Variants in GPHN observed in about 807,000 individuals in gnomAD.
GPHN encodes gephyrin.
In GPHN, 17 loss-of-function variants were observed where a neutral mutation model predicts 95.5. That is an observed-to-expected ratio of 0.18 (90% CI 0.12 to 0.27). The LOEUF is 0.27. GPHN is among the 10% of genes least tolerant of loss of function. The pLI, the probability that GPHN is intolerant of heterozygous loss-of-function variation, is 1.00. For synonymous variants in GPHN, 320 were observed against 322.5 expected (o/e 0.99, Z 0.08); for missense variants, 660 against 978.1 (o/e 0.67, Z 4.34).
intron 10 of GPHN, among the ~76,000 whole-genome samples, chr14:67,024,026 A>G (rs113945198): frequency 0.019 from 2,834 of 152,246 alleles, 39 homozygotes; most frequent in African/African-American, 0.026. Context: ...CTGAACAGAG[A>G]CTAATTCTGA....
At chr14:66,794,271 T>C (rs1195753716) in intron 3 of GPHN, among the ~76,000 whole-genome samples, 1 of 152,094 alleles carries the variant, frequency 6.6e-6, no homozygotes, top group East Asian at 1.9e-4. Flanking sequence ...AGAGATCTGG[T>C]CGTCTGAAAG....
At chr14:67,276,308 T>C in the GPHN span, among the ~76,000 whole-genome samples, 1 of 152,210 alleles carries the variant, frequency 6.6e-6, no homozygotes, top group Non-Finnish European at 1.5e-5. Context: ...TTGTATTCTA[T>C]TCTGTTTTCT....
the GPHN span, chr14:67,445,931 C>T: frequency 4.4e-6 from 2 of 452,498 alleles, no homozygotes; most frequent in Admixed American, 2.4e-5. Flanking sequence ...TCACAGTTTG[C>T]TTGTGGCTAA....
chr14:67,027,102 T>C (rs1238989463), intron 10 of GPHN, among the ~76,000 whole-genome samples: 3 of 152,230 alleles, frequency 2.0e-5, no homozygotes, highest in African/African-American at 7.2e-5. Context: ...TATCTGATTA[T>C]CAGTGCCAAA....
intron 12 of GPHN, 59 bp downstream of exon 12, chr14:67,089,134 T>TTTTTTTTTTTTTTTTTTTTTTTTTG: frequency 6.7e-6 from 1 of 149,818 alleles, no homozygotes; most frequent in Non-Finnish European, 1.0e-5. Flanking sequence ...TCTTTTTTTC[T>TTTTTTTTTTTTTTTTTTTTTTTTTG]TTTTTTTTTT....
chr14:67,552,224 C>T, the GPHN span, among the ~76,000 whole-genome samples: 3 of 152,194 alleles, frequency 2.0e-5, no homozygotes, highest in African/African-American at 7.2e-5. Flanking sequence ...CCCAGACCCA[C>T]ACACTGAAAG....
intron 1 of GPHN, among the ~76,000 whole-genome samples, chr14:66,627,710 T>G (rs72726419): frequency 0.058 from 8,812 of 152,206 alleles, 353 homozygotes; most frequent in Middle Eastern, 0.099. Flanking sequence ...ATTGTTAGAC[T>G]TAAAGTACTG....
the GPHN span, among the ~76,000 whole-genome samples, chr14:67,289,768 CCTT>C: frequency 4.4e-4 from 42 of 95,476 alleles, 9 homozygotes; most frequent in South Asian, 2.8e-3. Context: ...TTTTCCATGT[CCTT>C]TTTTTTTTTT....
chr14:66,929,964 G>T (rs979374221), intron 8 of GPHN, among the ~76,000 whole-genome samples: 8 of 152,114 alleles, frequency 5.3e-5, no homozygotes, highest in African/African-American at 1.9e-4. Context: ...GCCCGCCTCG[G>T]CCTCCCAAAG....
At chr14:67,315,274 T>G in the GPHN span, among the ~76,000 whole-genome samples, 2 of 139,850 alleles carry the variant, frequency 1.4e-5, no homozygotes, top group African/African-American at 5.4e-5. Flanking sequence ...TTTAATTTTT[T>G]TTTTTTTTTT....
intron 18 of GPHN, among the ~76,000 whole-genome samples, chr14:67,146,020 G>A (rs2080876393): frequency 6.6e-6 from 1 of 152,142 alleles, no homozygotes. Flanking sequence ...GGTCTGCACT[G>A]GATACATCTA....
intron 14 of GPHN, among the ~76,000 whole-genome samples, chr14:67,111,168 G>A (rs1165064821): frequency 6.6e-6 from 1 of 152,138 alleles, no homozygotes; most frequent in African/African-American, 2.4e-5. Context: ...CTTTCCATAT[G>A]TAAGGCTTAT....
At chr14:67,255,252 T>A in the GPHN span, among the ~76,000 whole-genome samples, 1 of 152,070 alleles carries the variant, frequency 6.6e-6, no homozygotes, top group African/African-American at 2.4e-5. Flanking sequence ...ATGAAGAAAA[T>A]CTGCATGGAG....
At chr14:67,661,809 C>T in the GPHN span, among the ~76,000 whole-genome samples, 1 of 152,122 alleles carries the variant, frequency 6.6e-6, no homozygotes, top group African/African-American at 2.4e-5. Flanking sequence ...GTTGGGATTG[C>T]AAGCGTGAGC....
the GPHN span, among the ~76,000 whole-genome samples, chr14:67,342,181 AAAATAAATAAAT>A: frequency 0.029 from 2,863 of 99,584 alleles, 38 homozygotes; most frequent in Admixed American, 0.048. Context: ...AATGATCAAT[AAAATAAATAAAT>A]AAATAAATAA....
At chr14:67,359,838 A>G in the GPHN span, 14 of 901,270 alleles carry the variant, frequency 1.6e-5, no homozygotes, top group African/African-American at 1.7e-4. Flanking sequence ...AAGAGGCAGC[A>G]GGGACACCCA....
At chr14:66,552,964 CTT>C (rs1015420389) in intron 1 of GPHN, among the ~76,000 whole-genome samples, 1 of 143,062 alleles carries the variant, frequency 7.0e-6, no homozygotes. Context: ...GGCTAAACTT[CTT>C]TTTTTTTTTC....
the GPHN span, chr14:67,650,889 A>C: frequency 6.2e-7 from 1 of 1,614,124 alleles, no homozygotes; most frequent in Admixed American, 1.7e-5. Flanking sequence ...TCACCAGATG[A>C]ATCAGAAAAT....
At chr14:67,598,477 GTCATT>G in the GPHN span, among the ~76,000 whole-genome samples, 1 of 152,114 alleles carries the variant, frequency 6.6e-6, no homozygotes, top group Non-Finnish European at 1.5e-5. Flanking sequence ...CTTTGGATAA[GTCATT>G]GCTCTTTGTG....
Sources: gnomAD v4.1 joint callset for allele counts (sites outside exome capture counted in the v4.1 genomes callset) on GRCh38, gnomAD v4.1.1 for gene constraint, MANE v1.5 for transcripts, NCBI Gene and HGNC (gene_info 2026-07-23, HGNC 2026-07-21) for gene names.